TUSC3: variants seen among roughly 807,000 people sequenced by gnomAD.
TUSC3 encodes tumor suppressor candidate 3.
TUSC3 carries 45 observed loss-of-function variants against 44.8 expected under a neutral mutation model. The observed-to-expected ratio is 1.00, with a 90% CI of 0.79 to 1.29. TUSC3 has a LOEUF of 1.29. TUSC3 is among the 50% of genes most tolerant of loss of function. The probability of loss-of-function intolerance (pLI) is 0.00; values close to 1 mark genes in which losing one functional copy is unlikely to be tolerated. For missense variants in TUSC3, 519 were observed against 437.9 expected (o/e 1.19, Z -1.65); for synonymous variants, 212 against 152.9 (o/e 1.39, Z -2.85).
chr8:15,582,673 C>G (rs1287394973), intron 1 of TUSC3, among the ~76,000 whole-genome samples: 1 of 152,188 alleles, frequency 6.6e-6, no homozygotes, highest in Admixed American at 6.5e-5. Context: ...CATGACATTG[C>G]TCTGAGAATG....
the TUSC3 span, among the ~76,000 whole-genome samples, chr8:15,833,731 A>T: frequency 4.6e-5 from 7 of 152,106 alleles, no homozygotes; most frequent in Admixed American, 1.3e-4. Flanking sequence ...GAAAATAACT[A>T]ATGGGTACTA....
chr8:15,712,116 C>T (rs1392788430), intron 6 of TUSC3, among the ~76,000 whole-genome samples: 1 of 151,790 alleles, frequency 6.6e-6, no homozygotes, highest in East Asian at 1.9e-4. Context: ...TCAGAAAGTA[C>T]AATCTTATTT....
At position 15,765,073 on chromosome 8, in the gene TUSC3, A is replaced by C. The variant is rs180748150; in HGVS notation, c.*917A>C. On this transcript the variant is annotated 3_prime_UTR_variant, in exon 11 of 11. Transcript: ENST00000503731. ...TGAATGATTCAATGAAGCTTTCTTGAAAACAAACATAGGAGTGTAATGTAC... is the reference window on the plus strand; with the variant it reads ...TGAATGATTCAATGAAGCTTTCTTGCAAACAAACATAGGAGTGTAATGTAC... The C allele has an allele frequency of 1.3e-5, 2 of 152,180 alleles. No homozygotes were observed. Among genetic ancestry groups the C allele is most frequent in the East Asian group, 3.9e-4 (2 of 5,178 alleles). The allele number at this position is 152,180 out of a possible 1,614,324, so 9.4% of individuals were successfully genotyped here.
At chr8:15,623,924 A>C (rs1274195942) in intron 2 of TUSC3, among the ~76,000 whole-genome samples, 1 of 152,072 alleles carries the variant, frequency 6.6e-6, no homozygotes, top group Non-Finnish European at 1.5e-5. Flanking sequence ...TACTGCAGGG[A>C]CACTTCTTGC....
the TUSC3 span, among the ~76,000 whole-genome samples, chr8:15,848,964 ACT>A: frequency 6.6e-6 from 1 of 152,074 alleles, no homozygotes; most frequent in African/African-American, 2.4e-5. Context: ...TCAATGGAAA[ACT>A]TTTTACAGGC....
chr8:15,724,661 T>G (rs1216989652), intron 6 of TUSC3, among the ~76,000 whole-genome samples: 13 of 152,180 alleles, frequency 8.5e-5, no homozygotes, highest in African/African-American at 2.4e-4. Context: ...TTAAAAGATT[T>G]TCTTAGATTT....
intron 8 of TUSC3, among the ~76,000 whole-genome samples, chr8:15,746,893 C>CAGGGATATTCTATAATT (rs1213235160): frequency 6.6e-6 from 1 of 151,986 alleles, no homozygotes; most frequent in East Asian, 1.9e-4. Flanking sequence ...ATGTGTCATA[C>CAGGGATATTCTATAATT]AGGGATATTC....
intron 1 of TUSC3, among the ~76,000 whole-genome samples, chr8:15,615,498 G>C (rs140856918): frequency 1.3e-5 from 2 of 152,056 alleles, no homozygotes; most frequent in Admixed American, 1.3e-4. Context: ...GATAGGAAGA[G>C]GTTATTTAGC....
chr8:15,461,488 G>A (rs1845610), intron 1 of TUSC3, among the ~76,000 whole-genome samples: 2,074 of 152,074 alleles, frequency 0.014, 53 homozygotes, highest in African/African-American at 0.048. Flanking sequence ...AACAGTGAGG[G>A]TTTGACTTCC....
At chr8:15,497,900 C>T (rs1163907516) in intron 2 of TUSC3, among the ~76,000 whole-genome samples, 5 of 151,928 alleles carry the variant, frequency 3.3e-5, no homozygotes, top group Non-Finnish European at 2.9e-5. Context: ...TCTCTCCTGC[C>T]ACCATGCCCA....
chr8:15,491,457 T>G (rs1463169216), intron 2 of TUSC3, among the ~76,000 whole-genome samples: 1 of 152,062 alleles, frequency 6.6e-6, no homozygotes, highest in East Asian at 1.9e-4. Flanking sequence ...TTCCTTTCAG[T>G]GTTACAAATC....
chr8:15,670,571 A>G (rs558910597), intron 5 of TUSC3, among the ~76,000 whole-genome samples: 11 of 152,046 alleles, frequency 7.2e-5, no homozygotes, highest in Admixed American at 3.3e-4. Context: ...AAATGCGAAC[A>G]TTAGCACTTT....
the TUSC3 span, among the ~76,000 whole-genome samples, chr8:15,841,968 A>G: frequency 2.6e-5 from 4 of 152,210 alleles, no homozygotes; most frequent in Non-Finnish European, 4.4e-5. Flanking sequence ...TGTTCTTTAA[A>G]AATTTTAGAA....
At chr8:15,662,345 A>T (rs1273364352) in intron 5 of TUSC3, 49 bp downstream of exon 5, 2 of 1,606,310 alleles carry the variant, frequency 1.2e-6, no homozygotes, top group African/African-American at 1.3e-5. Context: ...TTGTGTAATA[A>T]TATAAGTTGT....
intron 1 of TUSC3, among the ~76,000 whole-genome samples, chr8:15,439,929 G>C (rs943519850): frequency 2.6e-5 from 4 of 152,182 alleles, no homozygotes; most frequent in Non-Finnish European, 5.9e-5. Context: ...TAATGCAACA[G>C]ATACTAGTTA....
At chr8:15,619,855 A>G (rs1344563410) in intron 1 of TUSC3, among the ~76,000 whole-genome samples, 2 of 152,152 alleles carry the variant, frequency 1.3e-5, no homozygotes, top group Non-Finnish European at 2.9e-5. Context: ...GATTATATTT[A>G]TGAATAGATC....
intron 1 of TUSC3, among the ~76,000 whole-genome samples, chr8:15,550,803 C>T (rs1802037257): frequency 6.6e-6 from 1 of 151,646 alleles, no homozygotes; most frequent in African/African-American, 2.4e-5. Context: ...TCCCGAGTAG[C>T]TGGGATTACA....
chr8:15,749,732 G>GTTTTT (rs71211080), intron 9 of TUSC3, among the ~76,000 whole-genome samples: 1 of 140,386 alleles, frequency 7.1e-6, no homozygotes, highest in Non-Finnish European at 1.5e-5. Flanking sequence ...GAAAGATGAA[G>GTTTTT]TTTTTTTTTT....
intron 1 of TUSC3, among the ~76,000 whole-genome samples, chr8:15,425,849 ATAAT>A (rs1216547929): frequency 3.9e-5 from 6 of 152,184 alleles, no homozygotes; most frequent in African/African-American, 1.4e-4. Context: ...TGTCAAACTC[ATAAT>A]TAAAATAGAA....
Sources: gnomAD v4.1 joint callset for allele counts (sites outside exome capture counted in the v4.1 genomes callset) on GRCh38, gnomAD v4.1.1 for gene constraint, MANE v1.5 for transcripts, NCBI Gene and HGNC (gene_info 2026-07-23, HGNC 2026-07-21) for gene names.